The following ATP6V1A variants were observed in gnomAD, a reference collection of about 807,000 sequenced individuals.
The protein encoded by ATP6V1A is V-type proton ATPase catalytic subunit A.
ATP6V1A carries 18 observed loss-of-function variants against 70.1 expected under a neutral mutation model. The ratio of observed to expected loss-of-function variants is 0.26; its 90% CI spans 0.18 to 0.38. The LOEUF (loss-of-function observed/expected upper bound fraction) is 0.38. Among genes scored for constraint, ATP6V1A ranks in the 10% least tolerant of loss-of-function variants. The pLI, the probability that ATP6V1A is intolerant of heterozygous loss-of-function variation, is 1.00. For missense variants in ATP6V1A, 424 were observed against 772.4 expected (o/e 0.55, Z 5.35); for synonymous variants, 232 against 253.8 (o/e 0.91, Z 0.82).
chr3:113,773,590 G>C (rs1362505271), intron 1 of ATP6V1A, among the ~76,000 whole-genome samples: 1 of 152,142 alleles, frequency 6.6e-6, no homozygotes, highest in African/African-American at 2.4e-5. Flanking sequence ...GGCATGCACT[G>C]TTTAAGTCTT....
intron 8 of ATP6V1A, 52 bp from the exon 9 acceptor site, chr3:113,794,820 G>C: frequency 6.4e-7 from 1 of 1,556,720 alleles, no homozygotes; most frequent in Non-Finnish European, 8.6e-7. Flanking sequence ...GAAAAAAACA[G>C]GATTTTTATA....
At chr3:113,773,429 A>T (rs1708874232) in intron 1 of ATP6V1A, among the ~76,000 whole-genome samples, 1 of 152,140 alleles carries the variant, frequency 6.6e-6, no homozygotes, top group South Asian at 2.1e-4. Context: ...TAAATTAAAT[A>T]ATATGTGCCT....
At chr3:113,755,305 C>CCATATATATATA (rs1257782358) in intron 1 of ATP6V1A, among the ~76,000 whole-genome samples, 1 of 151,712 alleles carries the variant, frequency 6.6e-6, no homozygotes, top group African/African-American at 2.4e-5. Context: ...CACATAAGGA[C>CCATATATATATA]CGTATATATA....
intron 8 of ATP6V1A, among the ~76,000 whole-genome samples, chr3:113,793,977 A>ACG (rs1709126228): frequency 6.6e-6 from 1 of 152,136 alleles, no homozygotes; most frequent in African/African-American, 2.4e-5. Flanking sequence ...TTCATCTGCC[A>ACG]TATATACAAG....
At chr3:113,763,740 G>A (rs1382109197) in intron 1 of ATP6V1A, among the ~76,000 whole-genome samples, 3 of 152,052 alleles carry the variant, frequency 2.0e-5, no homozygotes, top group Non-Finnish European at 1.5e-5. Context: ...GCAATTTCTG[G>A]AATGCCATAA....
intron 1 of ATP6V1A, among the ~76,000 whole-genome samples, chr3:113,749,946 G>C (rs1443720214): frequency 6.6e-6 from 1 of 152,188 alleles, no homozygotes; most frequent in Non-Finnish European, 1.5e-5. Flanking sequence ...TATTTTCACA[G>C]CATGTTTGTT....
At chr3:113,761,381 T>C (rs1476221969) in intron 1 of ATP6V1A, among the ~76,000 whole-genome samples, 1 of 152,166 alleles carries the variant, frequency 6.6e-6, no homozygotes, top group Non-Finnish European at 1.5e-5. Flanking sequence ...ATTTTTTTTT[T>C]TTTGGCAAAG....
intron 1 of ATP6V1A, among the ~76,000 whole-genome samples, chr3:113,757,825 G>A (rs1350300144): frequency 6.6e-6 from 1 of 152,186 alleles, no homozygotes; most frequent in Admixed American, 6.6e-5. Context: ...TAACAAATTT[G>A]CATAGGTCAA....
At chr3:113,789,998 G>A (rs1031413947) in intron 8 of ATP6V1A, among the ~76,000 whole-genome samples, 158 bp downstream of exon 8, 2 of 152,142 alleles carry the variant, frequency 1.3e-5, no homozygotes, top group Non-Finnish European at 2.9e-5. Context: ...GGCCGGGAAT[G>A]GTGACTCACG....
chr3:113,782,783 C>T (rs1376070691), intron 3 of ATP6V1A, among the ~76,000 whole-genome samples: 6 of 151,444 alleles, frequency 4.0e-5, no homozygotes, highest in African/African-American at 9.7e-5. Flanking sequence ...CCAGCATGCC[C>T]GGCTAATTTT....
At chr3:113,798,150 A>T in intron 11 of ATP6V1A, 93 bp from the exon 12 acceptor site, 1 of 1,391,256 alleles carries the variant, frequency 7.2e-7, no homozygotes, top group Non-Finnish European at 1.0e-6. Context: ...AAAAAAAAAG[A>T]ATTGCATAGT....
chr3:113,804,764 A>G (rs1709256480), intron 13 of ATP6V1A, among the ~76,000 whole-genome samples: 2 of 152,248 alleles, frequency 1.3e-5, no homozygotes, highest in South Asian at 2.1e-4. Flanking sequence ...TATGTATGCA[A>G]AGGTGTTTAA....
intron 6 of ATP6V1A, among the ~76,000 whole-genome samples, chr3:113,787,789 A>G (rs879357155): frequency 5.9e-5 from 9 of 152,248 alleles, no homozygotes; most frequent in Non-Finnish European, 1.2e-4. Context: ...TTATTTTTGC[A>G]CTGACCTAAA....
chr3:113,768,744 C>T lies in ATP6V1A; in HGVS notation c.-13-9997C>T, dbSNP rs149705726. 1.2e-4 allele frequency among the ~76,000 whole-genome samples: 19 copies of T among 152,080 alleles called. 1 individual carries two copies. The highest frequency in any genetic ancestry group is 7.9e-4 in the Admixed American group (12 of 15,262). The stretch of plus-strand genomic sequence containing the variant: ...CCAAGTAGCTGGAACTACAGACGCA[C>T]GTCACCATGCCTGGCTAATTTTTGT... On this transcript the variant is annotated intron_variant, in intron 1 of 14. Coordinates refer to ENST00000273398, the MANE Select transcript of ATP6V1A (RefSeq NM_001690.4).
chr3:113,770,406 G>A (rs1348508294), intron 1 of ATP6V1A, among the ~76,000 whole-genome samples: 2 of 152,178 alleles, frequency 1.3e-5, no homozygotes, highest in East Asian at 1.9e-4. Context: ...GGCCGGGCAC[G>A]GTGGCTTATG....
rs749116364 is a variant in ATP6V1A, at chr3:113,795,867, T to A, written c.1227-9T>A. ...TTTTTTGTAATGACCATATTTTTTT[T>A]AAATTTAGAGTTTCTCCACCTGGTG... is the stretch of plus-strand genomic sequence containing the variant. On this transcript the variant is annotated splice_polypyrimidine_tract_variant and intron_variant, in intron 10 of 14. Transcript: ENST00000273398. 2.5e-6 allele frequency: 4 copies of A among 1,602,940 alleles called. No homozygotes were observed. Among genetic ancestry groups the A allele is most frequent in the East Asian group, 2.2e-5 (1 of 44,600 alleles).
intron 1 of ATP6V1A, among the ~76,000 whole-genome samples, chr3:113,774,118 C>T (rs973840026): frequency 2.6e-5 from 4 of 151,204 alleles, no homozygotes; most frequent in African/African-American, 7.3e-5. Context: ...ACTATCTACC[C>T]CATCCCAGAT....
chr3:113,790,303 A>C, intron 8 of ATP6V1A, among the ~76,000 whole-genome samples: 1 of 127,338 alleles, frequency 7.9e-6, no homozygotes, highest in East Asian at 2.1e-4. Flanking sequence ...ACTCTGTCTC[A>C]AAAAAAAAAA....
intron 10 of ATP6V1A, 63 bp from the exon 11 acceptor site, chr3:113,795,813 A>T (rs1353115692): frequency 3.1e-6 from 4 of 1,284,554 alleles, no homozygotes; most frequent in Non-Finnish European, 4.4e-6. Context: ...TATATATGTT[A>T]TTTTTCATAA....
Sources: allele counts gnomAD v4.1 joint callset (sites outside exome capture counted in the v4.1 genomes callset), GRCh38; gene constraint gnomAD v4.1.1; transcripts MANE v1.5; gene names NCBI Gene and HGNC (gene_info 2026-07-23, HGNC 2026-07-21).